MTCL1: variants seen among roughly 807,000 people sequenced by gnomAD.
The protein encoded by MTCL1 is microtubule cross-linking factor 1.
Under a neutral mutation model 141.4 loss-of-function variants are expected in MTCL1, and 79 were observed. The ratio of observed to expected loss-of-function variants is 0.56; its 90% confidence interval spans 0.47 to 0.67. MTCL1 has a LOEUF of 0.67. Ranked by LOEUF, MTCL1 falls within the 30% of genes least tolerant of loss-of-function variation. MTCL1 has a pLI of 0.00. For missense variants in MTCL1, 2,177 were observed against 2,113.9 expected (o/e 1.03, Z -0.59); for synonymous variants, 914 against 875.8 (o/e 1.04, Z -0.77).
intron 1 of MTCL1, among the ~76,000 whole-genome samples, chr18:8,711,980 A>G (rs560075476): frequency 9.9e-5 from 15 of 152,258 alleles, no homozygotes; most frequent in Admixed American, 3.3e-4. Flanking sequence ...CAACATATTA[A>G]TTATGTTCTC....
intron 4 of MTCL1, among the ~76,000 whole-genome samples, chr18:8,739,056 T>C (rs1436872742): frequency 6.6e-6 from 1 of 152,054 alleles, no homozygotes; most frequent in African/African-American, 2.4e-5. Context: ...TTGGGCAACA[T>C]AGCAAGACCT....
At chr18:8,816,766 C>T (rs1350159758) in intron 12 of MTCL1, among the ~76,000 whole-genome samples, 1 of 152,130 alleles carries the variant, frequency 6.6e-6, no homozygotes, top group Non-Finnish European at 1.5e-5. Flanking sequence ...GTGACACTCT[C>T]GAGGGTTTAT....
At chr18:8,706,485 C>T in exon 1 of MTCL1, 2 of 1,270,174 alleles carry the variant, frequency 1.6e-6, no homozygotes, top group East Asian at 3.2e-5. Context: ...CGCCCCTCGC[C>T]GCGGGCGCCT....
At chr18:8,821,236 C>T (rs956651836) in intron 13 of MTCL1, among the ~76,000 whole-genome samples, 2 of 152,194 alleles carry the variant, frequency 1.3e-5, no homozygotes, top group African/African-American at 4.8e-5. Flanking sequence ...CTCATGTGGG[C>T]TTCTCCCTGG....
chr18:8,718,308 A>G (rs1458116038), intron 2 of MTCL1, 116 bp from the exon 2 acceptor site: 1 of 1,016,148 alleles, frequency 9.8e-7, no homozygotes, highest in Non-Finnish European at 1.5e-6. Flanking sequence ...CCATGAGGTG[A>G]TGGGTAAGCG....
intron 13 of MTCL1, among the ~76,000 whole-genome samples, chr18:8,820,185 G>A (rs1444808169): frequency 1.3e-5 from 2 of 152,056 alleles, no homozygotes; most frequent in South Asian, 2.1e-4. Flanking sequence ...CGAGGTGGGC[G>A]GATCACGAGG....
At position 8,807,063 on chromosome 18, in the gene MTCL1, A is replaced by G; in HGVS notation, c.2604+3A>G. On this transcript the variant is annotated splice_donor_region_variant and intron_variant, in intron 11 of 16. Coordinates refer to ENST00000359865, the Ensembl canonical transcript of MTCL1. ...TGCTCAAGTGCCGTCTGGAACAGGT[A>G]CCACCCTCCCAGGTCTCCCTCGATC... 6.2e-7 allele frequency: 1 copy of G among 1,611,130 alleles called. No homozygotes were observed. Among genetic ancestry groups the G allele is most frequent in the Non-Finnish European group, 8.5e-7 (1 of 1,178,588 alleles).
At chr18:8,831,348 T>G in intron 16 of MTCL1, 1 of 1,304,026 alleles carries the variant, frequency 7.7e-7, no homozygotes, top group South Asian at 1.7e-5. Context: ...TAAAGGAGCT[T>G]TGCAAGCTGA....
Position 8,830,282 on chromosome 18 carries a change from A to G in MTCL1, c.*18+1318A>G. On this transcript the variant is annotated intron_variant, in intron 16 of 16. Transcript: ENST00000359865. This position sits in a 1 kb window ranked among gnomAD's most constrained non-coding sequence, Gnocchi z 6.4. ...GTACTGTTAGCATAATGCTTTGGGAACAGAAGCTTCTCCCTGTGGCCGTAT... is the reference window on the plus strand; with the variant it reads ...GTACTGTTAGCATAATGCTTTGGGAGCAGAAGCTTCTCCCTGTGGCCGTAT... 1.0e-6 allele frequency: 1 copy of G among 985,460 alleles called. No homozygotes were observed. The highest frequency in any genetic ancestry group is 1.2e-6 in the Non-Finnish European group (1 of 829,966). The allele number at this position is 985,460 out of a possible 1,614,324, so 61.0% of individuals were successfully genotyped here.
intron 7 of MTCL1, among the ~76,000 whole-genome samples, chr18:8,792,762 C>T (rs2075778828): frequency 6.6e-6 from 1 of 152,190 alleles, no homozygotes; most frequent in Non-Finnish European, 1.5e-5. Flanking sequence ...GCCCACTCCC[C>T]TCCTGGGTAA....
chr18:8,731,385 C>G (rs908794816), intron 4 of MTCL1, among the ~76,000 whole-genome samples: 9 of 151,992 alleles, frequency 5.9e-5, no homozygotes, highest in African/African-American at 1.9e-4. Context: ...ACCAGCCTAG[C>G]CAACATGGTG....
chr18:8,752,550 C>G (rs181872213), intron 4 of MTCL1, among the ~76,000 whole-genome samples: 2 of 152,276 alleles, frequency 1.3e-5, no homozygotes, highest in Admixed American at 6.5e-5. Flanking sequence ...GTGCAAATGT[C>G]TGCTGTCTTA....
rs1226740970 is a variant in MTCL1, at chr18:8,779,434, A to G, written c.417+1542A>G. ...CCCCCGCCTCCGCTAGACTCTTGGC[A>G]GAGTTTTAAGAAGTCTACGGTTACA... On this transcript the variant is annotated intron_variant, in intron 5 of 16. Transcript: ENST00000359865. This position sits in a 1 kb window ranked among gnomAD's most constrained non-coding sequence, Gnocchi z 4.1. Among the ~76,000 whole-genome samples, 2 of 152,222 alleles carry G rather than the reference A, an allele frequency of 1.3e-5. No homozygotes were observed. Among genetic ancestry groups the G allele is most frequent in the Non-Finnish European group, 2.9e-5 (2 of 68,030 alleles).
intron 12 of MTCL1, 78 bp downstream of exon 11, chr18:8,813,311 A>G: frequency 6.7e-7 from 1 of 1,492,616 alleles, no homozygotes; most frequent in Non-Finnish European, 9.0e-7. Context: ...CAAAAGCACT[A>G]GGCTGCTTCA....
rs2077153196 is a variant in MTCL1 at position 8,830,187 on chromosome 18, G to T, written c.*18+1223G>T. Reference sequence around the variant, plus strand: ...AGATGAGGACACAGGAGCACCTTGGGTTAGTCTGCATCTTGGTGGCTGGTG... The same window carrying T: ...AGATGAGGACACAGGAGCACCTTGGTTTAGTCTGCATCTTGGTGGCTGGTG... On this transcript the variant is annotated intron_variant, in intron 16 of 16. Coordinates refer to ENST00000359865, the Ensembl canonical transcript of MTCL1. The surrounding 1 kb of genome is among the most constrained non-coding windows in gnomAD (Gnocchi z 6.4). The T allele has an allele frequency of 6.1e-6, 6 of 985,688 alleles. No homozygotes were observed. The highest frequency in any genetic ancestry group is 7.2e-6 in the Non-Finnish European group (6 of 830,128). 61.1% of individuals were successfully genotyped at this position (985,688 alleles called of 1,614,324 possible).
chr18:8,780,551 T>C (rs2096529306), intron 5 of MTCL1, among the ~76,000 whole-genome samples: 4 of 152,220 alleles, frequency 2.6e-5, no homozygotes, highest in Admixed American at 2.6e-4. Context: ...TGGGATCATT[T>C]AGATGATTTT....
intron 5 of MTCL1, 110 bp downstream of exon 4, chr18:8,778,002 T>C: frequency 1.0e-6 from 1 of 992,182 alleles, no homozygotes; most frequent in Non-Finnish European, 1.5e-6. Flanking sequence ...CAAAGAAACA[T>C]TACCTGCCCA....
At chr18:8,706,543 G>A in exon 1 of MTCL1, 4 of 1,383,706 alleles carry the variant, frequency 2.9e-6, no homozygotes, top group Non-Finnish European at 3.7e-6. Flanking sequence ...GGGTTTCGCG[G>A]GGCCCGGCGT....
chr18:8,720,610 G>C lies in MTCL1; in HGVS notation c.357+114G>C, dbSNP rs150988966. ...AGCTGGGGTTGGCAAATCGTGGCCT[G>C]TTTGTTTGGCTCATAAGTTAGATTG... On this transcript the variant is annotated intron_variant, in intron 4 of 16. Coordinates refer to ENST00000359865, the Ensembl canonical transcript of MTCL1. The C allele has an allele frequency of 2.1e-4, 209 of 999,532 alleles. No individual in the cohort carries two copies. In the African/African-American group the frequency reaches 3.2e-3, roughly 15 times the overall value. 61.9% of individuals were successfully genotyped at this position (999,532 alleles called of 1,614,324 possible).
Sources: gnomAD v4.1 joint callset for allele counts (sites outside exome capture counted in the v4.1 genomes callset) on GRCh38, gnomAD v4.1.1 for gene constraint, Gnocchi (gnomAD v3.1) non-coding constraint, MANE v1.5 for transcripts, NCBI Gene and HGNC (gene_info 2026-07-23, HGNC 2026-07-21) for gene names.